Variants in KIAA1217 observed in about 807,000 individuals in gnomAD.
KIAA1217 encodes sickle tail protein homolog.
KIAA1217 carries 88 observed loss-of-function variants against 163.9 expected under a neutral mutation model. The ratio of observed to expected loss-of-function variants is 0.54; its 90% confidence interval spans 0.45 to 0.64. KIAA1217 has a LOEUF of 0.64. KIAA1217 is among the 30% of genes least tolerant of loss of function. The probability of loss-of-function intolerance (pLI) is 0.00; values close to 1 mark genes in which losing one functional copy is unlikely to be tolerated. For synonymous variants in KIAA1217, 903 were observed against 923.1 expected (o/e 0.98, Z 0.39); for missense variants, 2,372 against 2,475.0 (o/e 0.96, Z 0.88).
At chr10:23,797,159 G>A (rs1371333620) in intron 1 of KIAA1217, among the ~76,000 whole-genome samples, 3 of 152,154 alleles carry the variant, frequency 2.0e-5, no homozygotes, top group Non-Finnish European at 2.9e-5. Context: ...TGTCCATAGT[G>A]TTATGTGGGT....
intron 2 of KIAA1217, among the ~76,000 whole-genome samples, chr10:24,099,781 T>C (rs1350472004): frequency 8.1e-6 from 1 of 123,198 alleles, no homozygotes; most frequent in Non-Finnish European, 1.6e-5. Context: ...GATGTTCCCC[T>C]TCCTGTGTCC....
intron 1 of KIAA1217, among the ~76,000 whole-genome samples, chr10:23,903,508 G>A (rs1350275769): frequency 1.3e-5 from 2 of 152,126 alleles, no homozygotes; most frequent in African/African-American, 4.8e-5. Flanking sequence ...AGAGTGGACA[G>A]TCATGGAGAA....
intron 2 of KIAA1217, among the ~76,000 whole-genome samples, chr10:24,221,391 T>C (rs1292669215): frequency 2.0e-5 from 3 of 152,102 alleles, no homozygotes; most frequent in Non-Finnish European, 4.4e-5. Context: ...CAGGATGATA[T>C]TGATTTCCAC....
At chr10:24,503,346 A>G (rs898176004) in intron 9 of KIAA1217, among the ~76,000 whole-genome samples, 4 of 152,172 alleles carry the variant, frequency 2.6e-5, no homozygotes, top group Non-Finnish European at 5.9e-5. Flanking sequence ...TAAATCTCCT[A>G]GTGAATCTCA....
intron 3 of KIAA1217, among the ~76,000 whole-genome samples, chr10:24,398,593 C>A (rs542078327): frequency 3.5e-4 from 54 of 152,184 alleles, no homozygotes; most frequent in Admixed American, 6.5e-4. Context: ...GGAAGAGACC[C>A]AAGCAGGCAC....
At chr10:24,153,981 G>A (rs956921580) in intron 2 of KIAA1217, among the ~76,000 whole-genome samples, 65 of 147,892 alleles carry the variant, frequency 4.4e-4, no homozygotes, top group Non-Finnish European at 7.9e-4. Context: ...TTTTTGAGAC[G>A]GAGTCTCGCT....
At chr10:23,770,636 TGA>T (rs1477631463) in intron 1 of KIAA1217, among the ~76,000 whole-genome samples, 4 of 152,210 alleles carry the variant, frequency 2.6e-5, no homozygotes, top group Admixed American at 2.0e-4. Flanking sequence ...GTGGTTTTTC[TGA>T]GAGAGTGATC....
At chr10:24,083,916 C>T (rs1212833234) in intron 2 of KIAA1217, among the ~76,000 whole-genome samples, 5 of 152,040 alleles carry the variant, frequency 3.3e-5, no homozygotes, top group African/African-American at 7.3e-5. Flanking sequence ...GAGGGCCTGT[C>T]GCATTTCAGG....
chr10:24,497,931 A>T (rs1473091686), intron 8 of KIAA1217, among the ~76,000 whole-genome samples: 2 of 152,158 alleles, frequency 1.3e-5, no homozygotes, highest in East Asian at 3.8e-4. Flanking sequence ...TCTCCACTAT[A>T]CAATTCATCC....
At chr10:23,870,295 G>GT (rs1295309975) in intron 1 of KIAA1217, among the ~76,000 whole-genome samples, 2 of 152,010 alleles carry the variant, frequency 1.3e-5, no homozygotes, top group African/African-American at 4.8e-5. Context: ...AAACATCTCT[G>GT]TTTTTCCTGC....
chr10:24,082,643 C>G (rs1220859550), intron 2 of KIAA1217, among the ~76,000 whole-genome samples: 2 of 152,156 alleles, frequency 1.3e-5, no homozygotes, highest in Non-Finnish European at 2.9e-5. Context: ...TCCAGTCTAT[C>G]ATTGATGGGC....
chr10:23,808,925 G>A (rs1836862008), intron 1 of KIAA1217, among the ~76,000 whole-genome samples: 1 of 152,040 alleles, frequency 6.6e-6, no homozygotes. Context: ...CTTCCAGAGA[G>A]GAAGGCAAAT....
At chr10:24,257,561 G>A (rs556316918) in intron 2 of KIAA1217, among the ~76,000 whole-genome samples, 1 of 152,092 alleles carries the variant, frequency 6.6e-6, no homozygotes, top group African/African-American at 2.4e-5. Flanking sequence ...ACCAAGTCTT[G>A]ATTTGAGAAT....
intron 1 of KIAA1217, among the ~76,000 whole-genome samples, chr10:23,969,663 A>G (rs1330547055): frequency 6.6e-6 from 1 of 152,126 alleles, no homozygotes; most frequent in Non-Finnish European, 1.5e-5. Flanking sequence ...AGAGTTCTTT[A>G]TATATTCTGG....
Position 24,547,496 on chromosome 10 carries a change from T to A in KIAA1217, c.*1172T>A, listed in dbSNP as rs2075766021. On this transcript the variant is annotated 3_prime_UTR_variant, in exon 21 of 21. Transcript: ENST00000376454. ...AGGGCTGCATGCTTATTATTTTTTG[T>A]ACCTTGTCACTATAACTACTTCCTA... 6.6e-6 allele frequency: 1 copy of A among 152,496 alleles called. No homozygotes were observed. The highest frequency in any genetic ancestry group is 2.4e-5 in the African/African-American group (1 of 41,474). The allele number at this position is 152,496 out of a possible 1,614,324, so 9.4% of individuals were successfully genotyped here. A position where few individuals can be genotyped will look rare whatever the true frequency, so the allele number is the denominator to read the frequency against.
chr10:24,418,963 G>A (rs1312725146), intron 3 of KIAA1217, among the ~76,000 whole-genome samples: 6 of 151,852 alleles, frequency 4.0e-5, no homozygotes, highest in Admixed American at 1.3e-4. Context: ...GATTACCTAA[G>A]GTCAGGAGTT....
chr10:24,001,326 C>T (rs967675017), intron 1 of KIAA1217, among the ~76,000 whole-genome samples: 3 of 152,176 alleles, frequency 2.0e-5, no homozygotes, highest in Non-Finnish European at 2.9e-5. Flanking sequence ...AATGATCAAA[C>T]TGAACTATGC....
chr10:23,735,844 A>G (rs1012047126), intron 1 of KIAA1217, among the ~76,000 whole-genome samples: 1 of 152,236 alleles, frequency 6.6e-6, no homozygotes, highest in Non-Finnish European at 1.5e-5. Flanking sequence ...ATATTTTGAC[A>G]TATAGACATA....
At chr10:23,890,407 T>A (rs1841367711) in intron 1 of KIAA1217, among the ~76,000 whole-genome samples, 1 of 151,862 alleles carries the variant, frequency 6.6e-6, no homozygotes, top group African/African-American at 2.4e-5. Context: ...CTTTTGCATA[T>A]TTTGATATGT....
Sources: allele counts gnomAD v4.1 joint callset (sites outside exome capture counted in the v4.1 genomes callset), GRCh38; gene constraint gnomAD v4.1.1; transcripts MANE v1.5; gene names NCBI Gene and HGNC (gene_info 2026-07-23, HGNC 2026-07-21).